Variants in PLEKHM1 observed in about 807,000 individuals in gnomAD.
PLEKHM1 encodes pleckstrin homology domain-containing family M member 1.
A neutral mutation model predicts 94.3 loss-of-function variants in PLEKHM1; 28 were observed. The observed-to-expected ratio is 0.30, with a 90% CI of 0.22 to 0.41. PLEKHM1 has a LOEUF of 0.41. PLEKHM1 is among the 10% of genes least tolerant of loss of function. The pLI, the probability that PLEKHM1 is intolerant of heterozygous loss-of-function variation, is 1.00. For synonymous variants in PLEKHM1, 424 were observed against 581.2 expected (o/e 0.73, Z 3.89); for missense variants, 907 against 1,358.6 (o/e 0.67, Z 5.22).
At chr17:45,438,078 G>T in intron 11 of PLEKHM1, 109 bp from the exon 12 acceptor site, 1 of 803,488 alleles carries the variant, frequency 1.2e-6, no homozygotes, top group Non-Finnish European at 2.1e-6. Flanking sequence ...GTGATGTACT[G>T]TGTAACCCAT....
At chr17:45,439,802 G>A in intron 10 of PLEKHM1, 168 bp from the exon 11 acceptor site, 1 of 884,316 alleles carries the variant, frequency 1.1e-6, no homozygotes, top group South Asian at 1.4e-5. Flanking sequence ...AAACCTCCCT[G>A]AATCAGGCTG....
intron 1 of PLEKHM1, among the ~76,000 whole-genome samples, chr17:45,486,050 A>T (rs2052104268): frequency 6.7e-6 from 1 of 148,938 alleles, no homozygotes; most frequent in African/African-American, 2.5e-5. Flanking sequence ...CCCCGTCTCT[A>T]CTAAAAATAC....
intron 8 of PLEKHM1, chr17:45,446,093 C>T (rs1294634971): frequency 6.9e-6 from 2 of 288,868 alleles, no homozygotes; most frequent in Admixed American, 4.9e-5. Context: ...GAGTCAGGCT[C>T]CAGCCACAGG....
intron 4 of PLEKHM1, among the ~76,000 whole-genome samples, chr17:45,471,508 A>G (rs935848697): frequency 2.6e-5 from 4 of 151,824 alleles, no homozygotes; most frequent in African/African-American, 9.7e-5. Context: ...CATGCCTGTA[A>G]TCCCAGCACT....
chr17:45,438,116 G>A (rs541961727), intron 11 of PLEKHM1, 147 bp from the exon 12 acceptor site: 41 of 683,602 alleles, frequency 6.0e-5, no homozygotes, highest in East Asian at 5.7e-4. Context: ...CTCCGTTCTG[G>A]AACAGGAGAG....
At chr17:45,450,057 TCATCCACCTAAC>T (rs1309673564) in intron 8 of PLEKHM1, among the ~76,000 whole-genome samples, 1 of 118,788 alleles carries the variant, frequency 8.4e-6, no homozygotes, top group African/African-American at 3.3e-5. Context: ...AACCATCTGC[TCATCCACCTAAC>T]CATCCACCTA....
Position 45,453,921 on chromosome 17 carries a change from G to T in PLEKHM1, c.1931C>A (p.Pro644His), listed in dbSNP as rs1260345840. 1.2e-6 allele frequency: 2 copies of T among 1,613,686 alleles called. No homozygotes were observed. The highest frequency in any genetic ancestry group is 1.7e-6 in the Non-Finnish European group (2 of 1,179,758). Residue 644 changes from proline to histidine, a missense_variant, in exon 7 of 12, where the codon CCT becomes CAT. Around this residue, in one of 3 missense-constraint regions of PLEKHM1, gnomAD observed 477 missense variants for 601.5 expected, o/e 0.79. Transcript: ENST00000430334. The surrounding 1 kb of genome is among the most constrained non-coding windows in gnomAD (Gnocchi z 4.1). Reference protein sequence around the residue: ...EWVNVQYPDQPEEPPEAPQGC... With the variant: ...EWVNVQYPDQHEEPPEAPQGC... ...CTGGGGCGCCTCGGGGGGTTCCTCA[G>T]GCTGGTCTGGGTACTGCACGTTCAC...
In PLEKHM1 at chr17:45,437,144, G is replaced by T. The variant is rs981963908; in HGVS notation, c.*714C>A. 6.6e-6 allele frequency: 3 copies of T among 453,754 alleles called. No individual in the cohort carries two copies. In the East Asian group the frequency reaches 2.1e-4, roughly 32 times the overall value. 28.1% of individuals were successfully genotyped at this position (453,754 alleles called of 1,614,324 possible). A position where few individuals can be genotyped will look rare whatever the true frequency, so the allele number is the denominator to read the frequency against. ...CTAGAGAAGAGCTAGGGGCTCTGAC[G>T]CTGAGAAAGCGGTGGGCTCAGCAGG... On this transcript the variant is annotated 3_prime_UTR_variant, in exon 12 of 12. Transcript: ENST00000430334. The surrounding 1 kb of genome is among the most constrained non-coding windows in gnomAD (Gnocchi z 4.0).
In PLEKHM1 at chr17:45,445,384, T is replaced by G. The variant is rs2050572660; in HGVS notation, c.2837+86A>C. 6.5e-6 allele frequency: 7 copies of G among 1,081,728 alleles called. No individual in the cohort carries two copies. Among genetic ancestry groups the G allele is most frequent in the Admixed American group, 1.9e-5 (1 of 53,452 alleles). 67.0% of individuals were successfully genotyped at this position (1,081,728 alleles called of 1,614,324 possible). ...GTGCACATGTGTATGTGTGTCTGTG[T>G]GTACATGTGCATATAAGTATGTGTT... On this transcript the variant is annotated intron_variant, in intron 9 of 11. Transcript: ENST00000430334. The surrounding 1 kb of genome is among the most constrained non-coding windows in gnomAD (Gnocchi z 4.2).
intron 4 of PLEKHM1, among the ~76,000 whole-genome samples, chr17:45,469,286 CCT>C (rs1343591893): frequency 6.6e-6 from 1 of 152,150 alleles, no homozygotes; most frequent in Non-Finnish European, 1.5e-5. Context: ...ACTGCCACTC[CCT>C]GTCTCCTCCG....
At position 45,439,563 on chromosome 17, in the gene PLEKHM1, G is replaced by A. The variant is rs368093713; in HGVS notation, c.2973C>T (p.Cys991=). Residue 991 remains cysteine, a synonymous_variant, in exon 11 of 12, where the codon TGC becomes TGT. Transcript: ENST00000430334. ...IEFASQHVYH[C]DLCTQRGFIC... ...TGAAGCCGCGCTGGGTGCACAGGTC[G>A]CAGTGGTAGACATGCTGGGAGGCAA... 4.0e-5 allele frequency: 64 copies of A among 1,614,078 alleles called. No individual in the cohort carries two copies. The highest frequency in any genetic ancestry group is 3.3e-4 in the African/African-American group (25 of 74,926).
At chr17:45,443,091 C>T (rs1451044667) in intron 9 of PLEKHM1, among the ~76,000 whole-genome samples, 1 of 152,098 alleles carries the variant, frequency 6.6e-6, no homozygotes, top group Non-Finnish European at 1.5e-5. Flanking sequence ...TGCTTTATTC[C>T]CTTTCATAAA....
chr17:45,479,906 T>C (rs1384576618), intron 2 of PLEKHM1, among the ~76,000 whole-genome samples: 2 of 152,188 alleles, frequency 1.3e-5, no homozygotes, highest in African/African-American at 2.4e-5. Flanking sequence ...ATTATAAGCA[T>C]GTGAAAATCA....
chr17:45,488,853 C>T (rs771523930), intron 1 of PLEKHM1, among the ~76,000 whole-genome samples: 1 of 152,044 alleles, frequency 6.6e-6, no homozygotes. Flanking sequence ...GCAGGAGAAT[C>T]GCTTGAACCT....
chr17:45,452,482 T>G (rs1265635252), intron 7 of PLEKHM1, among the ~76,000 whole-genome samples: 2 of 151,296 alleles, frequency 1.3e-5, no homozygotes, highest in Non-Finnish European at 2.9e-5. Flanking sequence ...ACTAGCTGTG[T>G]GAGCTCAGTA....
At chr17:45,487,913 T>C (rs905001245) in intron 1 of PLEKHM1, 3 of 399,098 alleles carry the variant, frequency 7.5e-6, no homozygotes, top group African/African-American at 6.3e-5. Context: ...GCTGTACCAA[T>C]TGATGAGTCA....
chr17:45,483,825 C>A (rs2052029983), intron 1 of PLEKHM1, among the ~76,000 whole-genome samples: 1 of 152,114 alleles, frequency 6.6e-6, no homozygotes, highest in South Asian at 2.1e-4. Context: ...CTGACTCCAC[C>A]ACCAGCCCCC....
At chr17:45,439,880 C>A in intron 10 of PLEKHM1, 1 of 649,654 alleles carries the variant, frequency 1.5e-6, no homozygotes, top group Non-Finnish European at 2.7e-6. Flanking sequence ...TAGCTGAGAC[C>A]CAAATTCACT....
chr17:45,437,611 C>T lies in PLEKHM1; in HGVS notation c.*247G>A, dbSNP rs1279510618. On this transcript the variant is annotated 3_prime_UTR_variant, in exon 12 of 12. Coordinates refer to ENST00000430334, the MANE Select transcript of PLEKHM1 (RefSeq NM_014798.3). The surrounding 1 kb of genome is among the most constrained non-coding windows in gnomAD (Gnocchi z 4.0). Reference sequence around the variant, plus strand: ...CTGGTGAGTAAACGGCCCTGCCTGCCCCAGACAGGGAGCATCTGGTGGTGG... The same window carrying T: ...CTGGTGAGTAAACGGCCCTGCCTGCTCCAGACAGGGAGCATCTGGTGGTGG... The T allele has an allele frequency of 6.0e-6, 4 of 666,906 alleles. No individual in the cohort carries two copies. Among genetic ancestry groups the T allele is most frequent in the Middle Eastern group, 3.8e-4 (1 of 2,612 alleles). 41.3% of individuals were successfully genotyped at this position (666,906 alleles called of 1,614,324 possible).
Sources: gnomAD v4.1 joint callset for allele counts (sites outside exome capture counted in the v4.1 genomes callset) on GRCh38, gnomAD v4.1.1 for gene constraint, gnomAD v4.1.1 regional missense constraint, Gnocchi (gnomAD v3.1) non-coding constraint, MANE v1.5 for transcripts, NCBI Gene and HGNC (gene_info 2026-07-23, HGNC 2026-07-21) for gene names.